Variants in SLC35F4 observed in about 807,000 individuals in gnomAD.
The protein encoded by SLC35F4 is chromosome 14 open reading frame 36.
SLC35F4 carries 24 observed loss-of-function variants against 44.2 expected under a neutral mutation model. The ratio of observed to expected loss-of-function variants is 0.54; its 90% CI spans 0.39 to 0.76. The LOEUF is 0.76. SLC35F4 is among the 30% of genes least tolerant of loss of function. The probability of loss-of-function intolerance (pLI) is 0.00; values close to 1 mark genes in which losing one functional copy is unlikely to be tolerated. For synonymous variants in SLC35F4, 238 were observed against 223.6 expected (o/e 1.06, Z -0.57); for missense variants, 562 against 586.1 (o/e 0.96, Z 0.42).
At chr14:57,758,031 G>GTGTT (rs1052185141) in intron 1 of SLC35F4, among the ~76,000 whole-genome samples, 10 of 151,634 alleles carry the variant, frequency 6.6e-5, no homozygotes, top group Admixed American at 6.6e-4. Flanking sequence ...GTGTGTGTGT[G>GTGTT]TGTGTGTGTG....
intron 1 of SLC35F4, among the ~76,000 whole-genome samples, chr14:57,634,945 G>T (rs1252602520): frequency 6.6e-6 from 1 of 152,046 alleles, no homozygotes; most frequent in East Asian, 1.9e-4. Flanking sequence ...AGAGGTAGAA[G>T]ATGAGTGATC....
intron 1 of SLC35F4, among the ~76,000 whole-genome samples, chr14:57,749,897 GTTAA>G (rs2140555350): frequency 6.6e-6 from 1 of 152,200 alleles, no homozygotes; most frequent in African/African-American, 2.4e-5. Context: ...GAAATCTAAT[GTTAA>G]TTTTTTAATT....
intron 1 of SLC35F4, among the ~76,000 whole-genome samples, chr14:57,954,502 AT>A (rs1890201123): frequency 6.6e-6 from 1 of 152,154 alleles, no homozygotes; most frequent in Non-Finnish European, 1.5e-5. Flanking sequence ...TTTTGAAAAG[AT>A]TAACAAAATA....
chr14:57,598,556 A>G (rs2070627281), intron 1 of SLC35F4, among the ~76,000 whole-genome samples: 1 of 152,238 alleles, frequency 6.6e-6, no homozygotes, highest in African/African-American at 2.4e-5. Context: ...GTTAACTAGG[A>G]AAAGGTCTTT....
intron 1 of SLC35F4, among the ~76,000 whole-genome samples, chr14:57,859,535 T>C (rs1566910740): frequency 6.6e-6 from 1 of 152,204 alleles, no homozygotes. Context: ...AATAGAACAA[T>C]ATAAGCTGGG....
intron 1 of SLC35F4, among the ~76,000 whole-genome samples, chr14:57,839,088 G>A (rs577203318): frequency 6.6e-6 from 1 of 152,192 alleles, no homozygotes; most frequent in Admixed American, 6.5e-5. Context: ...ATACCTACAT[G>A]CAAAAGACAG....
chr14:57,770,635 G>C (rs2077341135), intron 1 of SLC35F4, among the ~76,000 whole-genome samples: 1 of 152,296 alleles, frequency 6.6e-6, no homozygotes, highest in South Asian at 2.1e-4. Context: ...ACCCTGAACT[G>C]TGAAGGAGGG....
chr14:57,700,471 T>A (rs1957695), intron 1 of SLC35F4, among the ~76,000 whole-genome samples: 9,261 of 152,110 alleles, frequency 0.061, 408 homozygotes, highest in Non-Finnish European at 0.089. Context: ...TTTAAGCTAC[T>A]CTACATTTAT....
intron 1 of SLC35F4, among the ~76,000 whole-genome samples, chr14:57,813,133 C>T (rs1044430070): frequency 1.3e-5 from 2 of 152,140 alleles, no homozygotes; most frequent in African/African-American, 4.8e-5. Flanking sequence ...TCAGGTCCAA[C>T]CCAGCAGTTA....
At chr14:57,965,575 C>T (rs1890424286) in intron 1 of SLC35F4, among the ~76,000 whole-genome samples, 1 of 152,118 alleles carries the variant, frequency 6.6e-6, no homozygotes, top group African/African-American at 2.4e-5. Context: ...ATATTTGTTA[C>T]CTGGGACTGA....
intron 1 of SLC35F4, 117 bp from the exon 2 acceptor site, chr14:57,594,241 G>A: frequency 1.0e-6 from 1 of 996,562 alleles, no homozygotes; most frequent in Non-Finnish European, 1.4e-6. Context: ...CCAGGCTAGA[G>A]TGCAGTGGTG....
chr14:57,945,931 T>C (rs750011704), intron 1 of SLC35F4, among the ~76,000 whole-genome samples: 2 of 152,126 alleles, frequency 1.3e-5, no homozygotes, highest in African/African-American at 2.4e-5. Context: ...CTCTTGAGAA[T>C]TGTCTATTCA....
intron 1 of SLC35F4, among the ~76,000 whole-genome samples, chr14:57,686,205 A>C (rs941360816): frequency 6.6e-6 from 1 of 152,222 alleles, no homozygotes; most frequent in East Asian, 1.9e-4. Flanking sequence ...TATTTCAATA[A>C]AAATCTATTA....
chr14:57,826,707 G>C (rs988382917), intron 1 of SLC35F4, among the ~76,000 whole-genome samples: 1 of 150,824 alleles, frequency 6.6e-6, no homozygotes, highest in African/African-American at 2.4e-5. Context: ...GACATGAACA[G>C]ACACTTCTCA....
At chr14:57,592,065 T>C (rs548637170) in intron 2 of SLC35F4, among the ~76,000 whole-genome samples, 3 of 152,334 alleles carry the variant, frequency 2.0e-5, no homozygotes, top group African/African-American at 7.2e-5. Context: ...CCAGAACTCT[T>C]TTATTTTCTG....
At chr14:57,739,647 T>A (rs1311905248) in intron 1 of SLC35F4, among the ~76,000 whole-genome samples, 1 of 152,206 alleles carries the variant, frequency 6.6e-6, no homozygotes, top group Non-Finnish European at 1.5e-5. Context: ...GGCATCCTTC[T>A]TGAGGAGTGA....
At chr14:57,835,301 G>A (rs1339655013) in intron 1 of SLC35F4, among the ~76,000 whole-genome samples, 1 of 152,198 alleles carries the variant, frequency 6.6e-6, no homozygotes, top group South Asian at 2.1e-4. Context: ...AGTCCTTGCA[G>A]TTCACAAGCT....
At chr14:57,704,824 T>C (rs965871430) in intron 1 of SLC35F4, among the ~76,000 whole-genome samples, 2 of 152,178 alleles carry the variant, frequency 1.3e-5, no homozygotes, top group Admixed American at 1.3e-4. Flanking sequence ...AGAGAGCCCC[T>C]GGCCTGTAAT....
intron 1 of SLC35F4, among the ~76,000 whole-genome samples, chr14:57,797,327 T>C (rs1001231026): frequency 2.4e-4 from 36 of 152,282 alleles, no homozygotes; most frequent in African/African-American, 8.4e-4. Context: ...ATTTCCAATG[T>C]AGCCAGGCCA....
Sources: gnomAD v4.1 joint callset for allele counts (sites outside exome capture counted in the v4.1 genomes callset) on GRCh38, gnomAD v4.1.1 for gene constraint, MANE v1.5 for transcripts, NCBI Gene and HGNC (gene_info 2026-07-23, HGNC 2026-07-21) for gene names.